The following PCDHGA1 variants were observed in gnomAD, a reference collection of about 807,000 sequenced individuals.
PCDHGA1 encodes the protein protocadherin gamma-A1.
In PCDHGA1, 32 loss-of-function variants were observed where a neutral mutation model predicts 58.0. The observed-to-expected ratio is 0.55, with a 90% CI of 0.42 to 0.74. The LOEUF is 0.74. Among genes scored for constraint, PCDHGA1 ranks in the 30% least tolerant of loss-of-function variants. The pLI is 0.00. For synonymous variants in PCDHGA1, 498 were observed against 501.1 expected (o/e 0.99, Z 0.08); for missense variants, 1,205 against 1,182.3 (o/e 1.02, Z -0.28).
chr5:141,458,597 T>C (rs940896214), intron 1 of PCDHGA1, among the ~76,000 whole-genome samples: 18 of 151,988 alleles, frequency 1.2e-4, no homozygotes, highest in Non-Finnish European at 2.4e-4. Context: ...TGGAGACGAG[T>C]CTCACTCTGT....
At chr5:141,375,214 C>G in intron 1 of PCDHGA1, 1 of 1,613,810 alleles carries the variant, frequency 6.2e-7, no homozygotes. Flanking sequence ...GAGACTCTGG[C>G]CTGAATGGCC....
chr5:141,422,703 G>A (rs1473348513), intron 1 of PCDHGA1: 1 of 1,603,132 alleles, frequency 6.2e-7, no homozygotes, highest in Admixed American at 1.7e-5. Context: ...CTTACTCTCT[G>A]ACGGATGACA....
At chr5:141,441,736 T>C in intron 1 of PCDHGA1, 1 of 365,328 alleles carries the variant, frequency 2.7e-6, no homozygotes. Flanking sequence ...CAGGACTAGC[T>C]CGCGCTCGGC....
At chr5:141,414,668 A>C in intron 1 of PCDHGA1, 1 of 1,613,856 alleles carries the variant, frequency 6.2e-7, no homozygotes, top group East Asian at 2.2e-5. Context: ...CTGGCTGAAG[A>C]CACCATCCAG....
rs1235728365 is a variant in PCDHGA1 at position 141,485,502 on chromosome 5, C to T, written c.2422-9305C>T. ...TGCATCGTGCCCCTGGAGTTTGTCACCGAAGGTCCTTTGGAAATGTACCGA... is the reference window on the plus strand; with the variant it reads ...TGCATCGTGCCCCTGGAGTTTGTCATCGAAGGTCCTTTGGAAATGTACCGA... On this transcript the variant is annotated intron_variant, in intron 1 of 3. Transcript: ENST00000517417. This position sits in a 1 kb window ranked among gnomAD's most constrained non-coding sequence, Gnocchi z 5.7. 2 of 1,614,114 alleles carry T rather than the reference C, an allele frequency of 1.2e-6. No homozygotes were observed. Among genetic ancestry groups the T allele is most frequent in the Non-Finnish European group, 8.5e-7 (1 of 1,180,044 alleles).
At chr5:141,357,465 C>T (rs760807195) in intron 1 of PCDHGA1, 3 of 1,614,226 alleles carry the variant, frequency 1.9e-6, no homozygotes, top group South Asian at 1.1e-5. Flanking sequence ...CCTATTCCCA[C>T]GAGGTCTCCC....
chr5:141,494,736 T>A, intron 1 of PCDHGA1, 71 bp from the exon 2 acceptor site: 2 of 1,611,858 alleles, frequency 1.2e-6, no homozygotes, highest in Non-Finnish European at 1.7e-6. Flanking sequence ...TCCCGGCCCA[T>A]CCCTAGGGGC....
intron 1 of PCDHGA1, chr5:141,413,476 G>A: frequency 6.2e-7 from 1 of 1,614,122 alleles, no homozygotes; most frequent in Non-Finnish European, 8.5e-7. Context: ...GGAGCTCTGC[G>A]CTCAGAGCGC....
At chr5:141,478,329 C>T (rs1295950117) in intron 1 of PCDHGA1, 1 of 1,613,982 alleles carries the variant, frequency 6.2e-7, no homozygotes, top group African/African-American at 1.3e-5. Context: ...TACCGAACAC[C>T]AGGGCCCTCC....
intron 1 of PCDHGA1, chr5:141,389,554 C>T: frequency 1.2e-6 from 2 of 1,613,184 alleles, no homozygotes; most frequent in South Asian, 1.1e-5. Context: ...AACGACAATG[C>T]GCCACGGGTG....
intron 1 of PCDHGA1, among the ~76,000 whole-genome samples, chr5:141,449,229 A>G (rs1356585763): frequency 1.3e-5 from 2 of 152,142 alleles, no homozygotes; most frequent in South Asian, 2.1e-4. Context: ...AATGATTTCA[A>G]ATTTTCAAAG....
chr5:141,356,729 A>T, intron 1 of PCDHGA1: 3 of 1,613,954 alleles, frequency 1.9e-6, no homozygotes, highest in Non-Finnish European at 2.5e-6. Context: ...ATCAACTCCA[A>T]TACAGGGATC....
chr5:141,360,382 G>C, intron 1 of PCDHGA1: 1 of 1,613,906 alleles, frequency 6.2e-7, no homozygotes, highest in South Asian at 1.1e-5. Flanking sequence ...AGAAAGCGGA[G>C]ACTTACTTGT....
At chr5:141,495,277 G>A (rs2099760037) in intron 2 of PCDHGA1, among the ~76,000 whole-genome samples, 1 of 152,168 alleles carries the variant, frequency 6.6e-6, no homozygotes, top group African/African-American at 2.4e-5. Context: ...ACCGGAGGAG[G>A]CGGTCCGCAC....
chr5:141,360,300 G>T, intron 1 of PCDHGA1: 1 of 1,613,978 alleles, frequency 6.2e-7, no homozygotes, highest in South Asian at 1.1e-5. Context: ...AGGATCTGGG[G>T]CTCAGCGTCC....
At chr5:141,346,211 G>C in intron 1 of PCDHGA1, 1 of 1,614,182 alleles carries the variant, frequency 6.2e-7, no homozygotes, top group South Asian at 1.1e-5. Context: ...GCCTGCTGCA[G>C]GCTTCGGGAG....
intron 1 of PCDHGA1, chr5:141,345,406 C>T: frequency 1.2e-6 from 2 of 1,614,138 alleles, no homozygotes; most frequent in Non-Finnish European, 8.5e-7. Flanking sequence ...TTATCCTACT[C>T]CGCCTACATT....
chr5:141,343,905 T>C, intron 1 of PCDHGA1: 1 of 860,702 alleles, frequency 1.2e-6, no homozygotes. Context: ...CAACCTCACC[T>C]CTTAGTCAAC....
intron 1 of PCDHGA1, among the ~76,000 whole-genome samples, chr5:141,402,471 A>G (rs1241536886): frequency 6.6e-6 from 1 of 152,238 alleles, no homozygotes; most frequent in Non-Finnish European, 1.5e-5. Context: ...CTAGAAATAG[A>G]GTGCAAAGTT....
Sources: gnomAD v4.1 joint callset for allele counts (sites outside exome capture counted in the v4.1 genomes callset) on GRCh38, gnomAD v4.1.1 for gene constraint, Gnocchi (gnomAD v3.1) non-coding constraint, MANE v1.5 for transcripts, NCBI Gene and HGNC (gene_info 2026-07-23, HGNC 2026-07-21) for gene names.